VWC2L: variants seen among roughly 807,000 people sequenced by gnomAD.
VWC2L encodes the protein von Willebrand factor C domain-containing protein 2-like.
A neutral mutation model predicts 21.6 loss-of-function variants in VWC2L; 10 were observed. The observed-to-expected ratio is 0.46, with a 90% CI of 0.29 to 0.78. The LOEUF is 0.78. Among genes scored for constraint, VWC2L ranks in the 30% least tolerant of loss-of-function variants. The pLI, the probability that VWC2L is intolerant of heterozygous loss-of-function variation, is 0.10. For missense variants in VWC2L, 209 were observed against 277.1 expected, an observed-to-expected ratio of 0.75 and a Z score of 1.74; for synonymous variants, 96 against 94.3, an observed-to-expected ratio of 1.02 and a Z score of -0.10.
intron 3 of VWC2L, among the ~76,000 whole-genome samples, chr2:214,441,964 T>G (rs1207026429): frequency 6.6e-6 from 1 of 151,234 alleles, no homozygotes; most frequent in Non-Finnish European, 1.5e-5. Flanking sequence ...CAGGCTGGAG[T>G]GCAGTGGCAC....
chr2:214,475,576 A>T (rs2126194794), intron 3 of VWC2L, among the ~76,000 whole-genome samples: 1 of 152,280 alleles, frequency 6.6e-6, no homozygotes, highest in East Asian at 1.9e-4. Context: ...TATGGTGAAG[A>T]CTATGACAAA....
intron 3 of VWC2L, among the ~76,000 whole-genome samples, chr2:214,501,721 C>CAAAAA (rs776608301): frequency 2.4e-4 from 19 of 78,908 alleles, no homozygotes; most frequent in Non-Finnish European, 3.7e-4. Flanking sequence ...GACTCTGTCT[C>CAAAAA]AAAAAAAAAA....
chr2:214,413,550 T>A (rs1191573464), intron 1 of VWC2L, among the ~76,000 whole-genome samples: 1 of 152,302 alleles, frequency 6.6e-6, no homozygotes, highest in Non-Finnish European at 1.5e-5. Flanking sequence ...GTAACTGATG[T>A]TGACGCCATT....
chr2:214,536,505 G>A (rs925776065), intron 3 of VWC2L, among the ~76,000 whole-genome samples: 7 of 151,986 alleles, frequency 4.6e-5, no homozygotes, highest in African/African-American at 1.7e-4. Context: ...ACATCAAGTT[G>A]AATCTTAAAA....
intron 3 of VWC2L, among the ~76,000 whole-genome samples, chr2:214,470,826 A>G (rs1305115785): frequency 2.1e-5 from 3 of 145,972 alleles, no homozygotes; most frequent in Non-Finnish European, 4.5e-5. Context: ...CTGAGGCAGG[A>G]GAATCGCTTG....
intron 3 of VWC2L, among the ~76,000 whole-genome samples, chr2:214,446,147 G>A (rs1702834353): frequency 6.6e-6 from 1 of 152,120 alleles, no homozygotes; most frequent in South Asian, 2.1e-4. Context: ...TTAGTGATAA[G>A]CATAACAGAC....
chr2:214,429,083 A>G (rs1197666355), intron 2 of VWC2L, among the ~76,000 whole-genome samples: 1 of 151,974 alleles, frequency 6.6e-6, no homozygotes, highest in African/African-American at 2.4e-5. Flanking sequence ...CTAGTGATGT[A>G]CTCTTCCCCA....
chr2:214,561,915 A>G (rs576107661), intron 3 of VWC2L, among the ~76,000 whole-genome samples: 1 of 151,620 alleles, frequency 6.6e-6, no homozygotes, highest in Non-Finnish European at 1.5e-5. Context: ...GATATAAAAA[A>G]TTAATGAGCT....
chr2:214,434,948 T>C (rs1269909798), intron 2 of VWC2L, among the ~76,000 whole-genome samples: 4 of 152,138 alleles, frequency 2.6e-5, no homozygotes, highest in Non-Finnish European at 4.4e-5. Flanking sequence ...GAAGGGATTA[T>C]ATTAGTGGCT....
At chr2:214,474,598 C>T (rs1019334655) in intron 3 of VWC2L, among the ~76,000 whole-genome samples, 7 of 152,024 alleles carry the variant, frequency 4.6e-5, no homozygotes, top group African/African-American at 9.7e-5. Flanking sequence ...TTCAAAACCA[C>T]GAAGGCCATT....
chr2:214,454,415 A>T (rs1703023228), intron 3 of VWC2L, among the ~76,000 whole-genome samples: 1 of 150,730 alleles, frequency 6.6e-6, no homozygotes, highest in Admixed American at 6.6e-5. Context: ...TTTTTCATAG[A>T]TGCTTGTTAT....
At chr2:214,519,369 G>A (rs1301487090) in intron 3 of VWC2L, among the ~76,000 whole-genome samples, 1 of 152,128 alleles carries the variant, frequency 6.6e-6, no homozygotes, top group Non-Finnish European at 1.5e-5. Context: ...GAATGCAAGA[G>A]AGCAGGGCAA....
intron 3 of VWC2L, among the ~76,000 whole-genome samples, chr2:214,457,940 T>G (rs1703080703): frequency 6.6e-6 from 1 of 152,130 alleles, no homozygotes; most frequent in South Asian, 2.1e-4. Context: ...CTTCTATTGT[T>G]TCCTTGTCTG....
At chr2:214,524,748 C>A (rs75165549) in intron 3 of VWC2L, among the ~76,000 whole-genome samples, 4,863 of 152,120 alleles carry the variant, frequency 0.032, 114 homozygotes, top group Middle Eastern at 0.11. Context: ...CACTAATGCC[C>A]TCGTCTCTTC....
chr2:214,562,889 A>C (rs1354460343), intron 3 of VWC2L, among the ~76,000 whole-genome samples: 3 of 151,844 alleles, frequency 2.0e-5, no homozygotes, highest in Non-Finnish European at 4.4e-5. Flanking sequence ...GATTGCAAAA[A>C]TTTTCTTCCA....
At chr2:214,524,723 C>T (rs1411824520) in intron 3 of VWC2L, among the ~76,000 whole-genome samples, 2 of 152,010 alleles carry the variant, frequency 1.3e-5, no homozygotes, top group African/African-American at 4.8e-5. Context: ...CGCATCAATG[C>T]CCCAGTTTTT....
Position 214,414,164 on chromosome 2 carries a change from G to C in VWC2L, c.-30G>C. 1.3e-6 allele frequency: 2 copies of C among 1,584,814 alleles called. No individual in the cohort carries two copies. Among genetic ancestry groups the C allele is most frequent in the Non-Finnish European group, 1.7e-6 (2 of 1,172,966 alleles). ...AGGAGCTGAGTATATTTAATATTAG[G>C]AGCACATCCAGAAGTCTTTGAAGAG... On this transcript the variant is annotated 5_prime_UTR_variant, in exon 2 of 4. Coordinates refer to ENST00000312504, the MANE Select transcript of VWC2L (RefSeq NM_001080500.4).
At chr2:214,431,158 T>C (rs1187611998) in intron 2 of VWC2L, among the ~76,000 whole-genome samples, 4 of 152,216 alleles carry the variant, frequency 2.6e-5, no homozygotes, top group Non-Finnish European at 5.9e-5. Flanking sequence ...TTTTGCACTT[T>C]GTAATTTAAT....
chr2:214,417,665 G>A (rs1702377374), intron 2 of VWC2L, among the ~76,000 whole-genome samples: 1 of 152,100 alleles, frequency 6.6e-6, no homozygotes, highest in Non-Finnish European at 1.5e-5. Flanking sequence ...CTAGTAAGAG[G>A]CAAATTCAGA....
Sources: allele counts gnomAD v4.1 joint callset (sites outside exome capture counted in the v4.1 genomes callset), GRCh38; gene constraint gnomAD v4.1.1; transcripts MANE v1.5; gene names NCBI Gene and HGNC (gene_info 2026-07-23, HGNC 2026-07-21).